Variants in CFAP299 observed in about 807,000 individuals in gnomAD.
CFAP299 encodes cilia and flagella associated protein 299.
In CFAP299, 21 loss-of-function variants were observed where a neutral mutation model predicts 27.0. The ratio of observed to expected loss-of-function variants is 0.78; its 90% CI spans 0.55 to 1.12. The LOEUF (loss-of-function observed/expected upper bound fraction) is 1.12, where lower values mean the gene tolerates loss of function less well. CFAP299 is among the 50% of genes most tolerant of loss of function. CFAP299 has a pLI of 0.00. For synonymous variants in CFAP299, 104 were observed against 98.1 expected (o/e 1.06, Z -0.36); for missense variants, 310 against 276.6 (o/e 1.12, Z -0.86).
chr4:80,617,606 A>AT (rs899867737), intron 3 of CFAP299, among the ~76,000 whole-genome samples: 21 of 152,146 alleles, frequency 1.4e-4, no homozygotes, highest in Admixed American at 7.2e-4. Context: ...TAGAAAAAAA[A>AT]TTACTTCAAA....
At chr4:80,386,120 G>A (rs1010034062) in intron 2 of CFAP299, 15 of 479,342 alleles carry the variant, frequency 3.1e-5, no homozygotes, top group Non-Finnish European at 5.5e-5. Context: ...TGCCCCCAGG[G>A]AGCCTGGACC....
chr4:80,492,130 A>C (rs1046175716), intron 2 of CFAP299, among the ~76,000 whole-genome samples: 3 of 152,202 alleles, frequency 2.0e-5, no homozygotes, highest in Non-Finnish European at 4.4e-5. Flanking sequence ...TATAGCCTGG[A>C]AGCCTCCCGA....
intron 3 of CFAP299, among the ~76,000 whole-genome samples, chr4:80,838,177 G>A (rs1316132823): frequency 6.6e-6 from 1 of 152,054 alleles, no homozygotes; most frequent in Non-Finnish European, 1.5e-5. Context: ...TTGTCAGATG[G>A]AGAGATTGCA....
intron 2 of CFAP299, among the ~76,000 whole-genome samples, chr4:80,513,303 A>G (rs1410483522): frequency 1.3e-5 from 2 of 152,150 alleles, no homozygotes; most frequent in African/African-American, 4.8e-5. Flanking sequence ...AGTGGTAAAA[A>G]TTGTGTCCAG....
At chr4:80,359,000 A>G (rs776841513) in intron 1 of CFAP299, among the ~76,000 whole-genome samples, 27 of 152,110 alleles carry the variant, frequency 1.8e-4, no homozygotes, top group Non-Finnish European at 3.4e-4. Context: ...AGGAGCTTTT[A>G]TAAATCAGGT....
intron 3 of CFAP299, among the ~76,000 whole-genome samples, chr4:80,718,961 TA>T (rs1171344322): frequency 1.3e-5 from 2 of 152,036 alleles, no homozygotes; most frequent in African/African-American, 2.4e-5. Context: ...TATGCAGCCA[TA>T]AAAAAGAACA....
intron 4 of CFAP299, among the ~76,000 whole-genome samples, chr4:80,920,945 T>C (rs1736012338): frequency 6.6e-6 from 1 of 152,156 alleles, no homozygotes; most frequent in African/African-American, 2.4e-5. Context: ...ACATTCCTTC[T>C]TTTAACCTGC....
intron 2 of CFAP299, among the ~76,000 whole-genome samples, chr4:80,543,166 A>C (rs1734082473): frequency 1.3e-5 from 2 of 152,216 alleles, no homozygotes; most frequent in Admixed American, 6.5e-5. Flanking sequence ...CACCACAGTC[A>C]AATGCTCAAG....
intron 3 of CFAP299, chr4:80,648,920 A>G (rs1740158693): frequency 6.6e-6 from 1 of 152,132 alleles, no homozygotes; most frequent in Non-Finnish European, 1.5e-5. Flanking sequence ...AATGGTTAAA[A>G]CTCTGTCCAA....
At chr4:80,586,068 C>A (rs1180054993) in intron 3 of CFAP299, among the ~76,000 whole-genome samples, 1 of 152,076 alleles carries the variant, frequency 6.6e-6, no homozygotes, top group Non-Finnish European at 1.5e-5. Context: ...AGTAACTAGA[C>A]TGAAGTTCCA....
intron 2 of CFAP299, among the ~76,000 whole-genome samples, chr4:80,416,868 G>A (rs1727037241): frequency 6.6e-6 from 1 of 152,182 alleles, no homozygotes; most frequent in African/African-American, 2.4e-5. Flanking sequence ...CTGGAAAAGA[G>A]TTCCTATCCA....
intron 2 of CFAP299, among the ~76,000 whole-genome samples, chr4:80,405,744 G>A (rs1304502026): frequency 2.0e-5 from 3 of 151,760 alleles, no homozygotes; most frequent in Non-Finnish European, 1.5e-5. Flanking sequence ...TATGCCAACC[G>A]GCATACAATT....
At chr4:80,949,615 T>A (rs1578261680) in intron 5 of CFAP299, among the ~76,000 whole-genome samples, 2 of 142,194 alleles carry the variant, frequency 1.4e-5, no homozygotes, top group South Asian at 2.2e-4. Flanking sequence ...AGGGGGAGAA[T>A]CGAACACATA....
At chr4:80,758,027 C>T (rs1380054401) in intron 3 of CFAP299, among the ~76,000 whole-genome samples, 1 of 152,166 alleles carries the variant, frequency 6.6e-6, no homozygotes, top group Non-Finnish European at 1.5e-5. Context: ...ATGCCGGTGA[C>T]CCCTGAAGCC....
At chr4:80,327,693 TATATA>T in the CFAP299 span, among the ~76,000 whole-genome samples, 25 of 24,908 alleles carry the variant, frequency 1.0e-3, no homozygotes, top group African/African-American at 1.8e-3. Context: ...AGAGAAGTTA[TATATA>T]TATATATATA....
chr4:80,620,056 C>T (rs1738495076), intron 3 of CFAP299, among the ~76,000 whole-genome samples: 1 of 151,972 alleles, frequency 6.6e-6, no homozygotes, highest in Non-Finnish European at 1.5e-5. Context: ...TGATATAAAG[C>T]ACAAGGCATT....
At chr4:80,675,417 T>C (rs529743591) in intron 3 of CFAP299, among the ~76,000 whole-genome samples, 1 of 152,182 alleles carries the variant, frequency 6.6e-6, no homozygotes, top group Non-Finnish European at 1.5e-5. Flanking sequence ...CTCTGGAAGC[T>C]TCCTCCCAGA....
chr4:80,582,763 T>C (rs1325359483), intron 2 of CFAP299, among the ~76,000 whole-genome samples: 1 of 151,864 alleles, frequency 6.6e-6, no homozygotes, highest in Non-Finnish European at 1.5e-5. Flanking sequence ...TTATAGGCAA[T>C]TTAAAATTTT....
chr4:80,395,855 T>C (rs936936521), intron 2 of CFAP299, among the ~76,000 whole-genome samples: 6 of 152,324 alleles, frequency 3.9e-5, no homozygotes, highest in African/African-American at 1.4e-4. Context: ...CAAAATGTAA[T>C]TATTCCTTCA....
Sources: allele counts gnomAD v4.1 joint callset (sites outside exome capture counted in the v4.1 genomes callset), GRCh38; gene constraint gnomAD v4.1.1; transcripts MANE v1.5; gene names NCBI Gene and HGNC (gene_info 2026-07-23, HGNC 2026-07-21).